The following PAQR6 variants were observed in gnomAD, a reference collection of about 807,000 sequenced individuals.
PAQR6 encodes progestin and adipoQ receptor family member 6.
Under a neutral mutation model 36.2 loss-of-function variants are expected in PAQR6, and 34 were observed. That is an observed-to-expected ratio of 0.94 (90% confidence interval 0.71 to 1.25). PAQR6 has a LOEUF of 1.25. Ranked by LOEUF, PAQR6 falls within the 50% of genes most tolerant of loss-of-function variation. The pLI, the probability that PAQR6 is intolerant of heterozygous loss-of-function variation, is 0.00. For missense variants in PAQR6, 431 were observed against 445.7 expected, an observed-to-expected ratio of 0.97 and a Z score of 0.30; for synonymous variants, 190 against 190.7, an observed-to-expected ratio of 1.00 and a Z score of 0.03.
chr1:156,246,855 G>T, intron 1 of PAQR6, 99 bp from the exon 2 acceptor site: 1 of 1,011,816 alleles, frequency 9.9e-7, no homozygotes, highest in Non-Finnish European at 1.5e-6. Context: ...CGTGTGGGAG[G>T]CAGATGGCAC....
Position 156,246,577 on chromosome 1 carries a change from G to A in PAQR6, c.51+104C>T, listed in dbSNP as rs1030407676. 12 of 1,306,268 alleles carry A rather than the reference G, an allele frequency of 9.2e-6. No homozygotes were observed. The African/African-American group carries it at 1.3e-4, about 14-fold the overall frequency. The allele number at this position is 1,306,268 out of a possible 1,614,324, so 80.9% of individuals were successfully genotyped here. A position where few individuals can be genotyped will look rare whatever the true frequency, so the allele number is the denominator to read the frequency against. ...CACTGGAATGGGAGGGTAAGAGTTCGCCTGCAGGAGGGGCTGCCCCAATAG... is the reference window on the plus strand; with the variant it reads ...CACTGGAATGGGAGGGTAAGAGTTCACCTGCAGGAGGGGCTGCCCCAATAG... On this transcript the variant is annotated intron_variant, in intron 2 of 7. Coordinates refer to ENST00000292291, the MANE Select transcript of PAQR6 (RefSeq NM_198406.3).
At chr1:156,246,818 C>CCT in intron 1 of PAQR6, 62 bp from the exon 2 acceptor site, 1 of 1,417,702 alleles carries the variant, frequency 7.1e-7, no homozygotes, top group South Asian at 1.3e-5. Flanking sequence ...CCCCTTTCAC[C>CCT]TGGGTTCAGC....
At chr1:156,244,713 A>G (rs757752292) in intron 7 of PAQR6, 48 bp downstream of exon 7, 2 of 1,613,414 alleles carry the variant, frequency 1.2e-6, no homozygotes, top group Non-Finnish European at 8.5e-7. Flanking sequence ...TGCTCTGGGA[A>G]GGCATCTGCC....
At position 156,243,913 on chromosome 1, in the gene PAQR6, C is replaced by G; in HGVS notation, c.*216G>C. ...TCTCAGACCCTCAGCACTTCTTCCA[C>G]TCCCATCAAGAGCCCCCTCACGGTC... is the stretch of plus-strand genomic sequence containing the variant. On this transcript the variant is annotated 3_prime_UTR_variant, in exon 8 of 8. Coordinates refer to ENST00000292291, the MANE Select transcript of PAQR6 (RefSeq NM_198406.3). 1 of 1,613,364 alleles carries G rather than the reference C, an allele frequency of 6.2e-7. No individual in the cohort carries two copies. The highest frequency in any genetic ancestry group is 8.5e-7 in the Non-Finnish European group (1 of 1,179,446).
Position 156,246,716 on chromosome 1 carries a change from G to A in PAQR6, c.16C>T (p.Leu6=), listed in dbSNP as rs753528988. 3 of 1,613,910 alleles carry A rather than the reference G, an allele frequency of 1.9e-6. No homozygotes were observed. The highest frequency in any genetic ancestry group is 2.5e-6 in the Non-Finnish European group (3 of 1,179,918). ...TGGTGGACTTGAAGAAGTTGGGGCA[G>A]CTTGAGACTGAGCATGGTGGCCTGG... MLSLK[L]PQLLQVHQVP... Residue 6 remains leucine (L), a synonymous_variant, in exon 2 of 8, where the codon CTG becomes TTG. Transcript: ENST00000292291.
At position 156,243,870 on chromosome 1, in the gene PAQR6, ACACGCATGCATCTCCCCTCT is replaced by A. The variant is rs763390317; in HGVS notation, c.*239_*258del. 3.8e-6 allele frequency: 6 copies of A among 1,597,882 alleles called. No individual in the cohort carries two copies. The South Asian group carries it at 6.7e-5, about 18-fold the overall frequency. On this transcript the variant is annotated 3_prime_UTR_variant, in exon 8 of 8. Coordinates refer to ENST00000292291, the MANE Select transcript of PAQR6 (RefSeq NM_198406.3). ...GAATATAGGGGCATCTTCAGCCTGGACACGCATGCATCTCCCCTCTCAGACCCTCAGCACTTCTTCCACTC... is the reference window on the plus strand; with the variant it reads ...GAATATAGGGGCATCTTCAGCCTGGACAGACCCTCAGCACTTCTTCCACTC...
chr1:156,246,573 G>A, intron 2 of PAQR6, 108 bp downstream of exon 2: 1 of 1,276,270 alleles, frequency 7.8e-7, no homozygotes, highest in Non-Finnish European at 1.1e-6. Context: ...GAGGGTAAGA[G>A]TTCGCCTGCA....
At chr1:156,247,811 C>T in intron 1 of PAQR6, 146 bp downstream of exon 1, 1 of 318,460 alleles carries the variant, frequency 3.1e-6, no homozygotes, top group Non-Finnish European at 6.6e-6. Context: ...TCTAGCTGCC[C>T]TCACGGTGCC....
chr1:156,245,442 C>T (rs1660241651), intron 5 of PAQR6, 93 bp downstream of exon 5: 6 of 1,550,298 alleles, frequency 3.9e-6, no homozygotes, highest in Middle Eastern at 2.1e-4. Context: ...GTACATGGTC[C>T]CGATGCCTCC....
At chr1:156,245,055 G>C in intron 6 of PAQR6, 87 bp downstream of exon 6, 1 of 1,601,988 alleles carries the variant, frequency 6.2e-7, no homozygotes. Flanking sequence ...GCTGAGGCAG[G>C]GACTGAGGGG....
chr1:156,246,617 C>A lies in PAQR6; in HGVS notation c.51+64G>T. ...TGCCCCAATAGCTAAAAGAGAAGAA[C>A]GTCAGCCCCTAGTCAGTCCTCTAGG... is the stretch of plus-strand genomic sequence containing the variant. On this transcript the variant is annotated intron_variant, in intron 2 of 7. Coordinates refer to ENST00000292291, the MANE Select transcript of PAQR6 (RefSeq NM_198406.3). 3 of 1,553,586 alleles carry A rather than the reference C, an allele frequency of 1.9e-6. No homozygotes were observed. The South Asian group carries it at 3.5e-5, about 18-fold the overall frequency.
In PAQR6 at chr1:156,245,243, G is replaced by A. The variant is rs759903726; in HGVS notation, c.513-5C>T. 3 of 1,612,952 alleles carry A rather than the reference G, an allele frequency of 1.9e-6. No homozygotes were observed. The highest frequency in any genetic ancestry group is 2.7e-5 in the African/African-American group (2 of 74,908). On this transcript the variant is annotated splice_region_variant and splice_polypyrimidine_tract_variant and intron_variant, in intron 5 of 7. Transcript: ENST00000292291. ...GGGCTTTCCAGCTCCAGGAAACTGG[G>A]AGGCGGGAGGAAAAGGCCGGTCACC...
chr1:156,247,374 C>A (rs1660749905), intron 1 of PAQR6: 2 of 152,600 alleles, frequency 1.3e-5, no homozygotes, highest in Non-Finnish European at 2.9e-5. Context: ...GGCCGCAGCT[C>A]TGCTGCCCCG....
chr1:156,245,812 C>T lies in PAQR6; in HGVS notation c.355G>A (p.Asp119Asn). The T allele has an allele frequency of 1.2e-6, 2 of 1,604,700 alleles. No homozygotes were observed. The highest frequency in any genetic ancestry group is 2.2e-5 in the South Asian group (2 of 89,680). ...CTGTAGAGGCTGAGCGCGCCGTAGT[C>T]GAGGAAGTAGCAGATGTGGCGCATG... ...PRMRHICYFL[D>N]YGALSLYSLG... Residue 119 changes from aspartate (D) to asparagine (N), a missense_variant, in exon 4 of 8, where the codon GAC (aspartate) becomes AAC (asparagine). By Grantham distance (23) the Asp-to-Asn change is conservative (BLOSUM62 1). Transcript: ENST00000292291.
At chr1:156,244,969 T>A in intron 6 of PAQR6, 58 bp from the exon 7 acceptor site, 3 of 1,598,098 alleles carry the variant, frequency 1.9e-6, no homozygotes, top group Non-Finnish European at 2.6e-6. Flanking sequence ...ACATGGGGTG[T>A]GTCTGGGATC....
Position 156,246,161 on chromosome 1 carries a change from G to C in PAQR6, c.141C>G (p.Asn47Lys). 6.2e-7 allele frequency: 1 copy of C among 1,613,386 alleles called. No individual in the cohort carries two copies. The highest frequency in any genetic ancestry group is 8.5e-7 in the Non-Finnish European group (1 of 1,180,026). ...AGTGAGTCCAGATGTTGACCGTCTC[G>C]TTGGTCATCTGGAAGGAGCTGAGGA... ...DCVLSSFQMT[N>K]ETVNIWTHFL... The change falls in exon 3 of 8, where the codon AAC (asparagine) becomes AAG (lysine). Residue 47 changes from asparagine (N) to lysine (K), a missense_variant. Physicochemically the swap from Asn to Lys is moderately conservative, Grantham distance 94 (BLOSUM62 0). Transcript: ENST00000292291.
Position 156,245,648 on chromosome 1 carries a change from G to T in PAQR6, c.399C>A (p.Pro133=), listed in dbSNP as rs11552748. The T allele has an allele frequency of 2.5e-6, 4 of 1,613,018 alleles. No homozygotes were observed. The Admixed American group carries it at 6.7e-5, about 27-fold the overall frequency. Residue 133 remains proline, a synonymous_variant, in exon 5 of 8, where the codon CCC becomes CCA. Transcript: ENST00000292291. ...LSLYSLGCAF[P]YAAYSMPASW... Reference sequence around the variant, plus strand: ...AGGCCGGCATGGAGTAGGCGGCATAGGGGAAGGCGCAGCCTGCGGTGAGGT... The same window carrying T: ...AGGCCGGCATGGAGTAGGCGGCATATGGGAAGGCGCAGCCTGCGGTGAGGT...
chr1:156,248,055 GTGGCCAGGCAGGC>G (rs1324260018), exon 1 of PAQR6: 21 of 459,190 alleles, frequency 4.6e-5, no homozygotes, highest in Admixed American at 1.5e-4. Flanking sequence ...TGGAGGAAGA[GTGGCCAGGCAGGC>G]GGGCCAGGCC....
chr1:156,246,001 G>C lies in PAQR6; in HGVS notation c.180-14C>G. ...CACAGGAAGTACCTGCGGCGGGCGCGTGCTCAGGCCGCCGCGGACCCCCGC... is the reference window on the plus strand; with the variant it reads ...CACAGGAAGTACCTGCGGCGGGCGCCTGCTCAGGCCGCCGCGGACCCCCGC... On this transcript the variant is annotated splice_polypyrimidine_tract_variant and intron_variant, in intron 3 of 7. Transcript: ENST00000292291. 1 of 1,560,816 alleles carries C rather than the reference G, an allele frequency of 6.4e-7. No individual in the cohort carries two copies. The highest frequency in any genetic ancestry group is 1.2e-5 in the South Asian group (1 of 86,572).
Sources: gnomAD v4.1 joint callset for allele counts on GRCh38, gnomAD v4.1.1 for gene constraint, MANE v1.5 for transcripts, NCBI Gene and HGNC (gene_info 2026-07-23, HGNC 2026-07-21) for gene names.